Variants in EEIG2 observed in about 807,000 individuals in gnomAD.
EEIG2 encodes the protein family with sequence similarity 102 member B.
the EEIG2 span, among the ~76,000 whole-genome samples, chr1:108,602,499 C>T: frequency 6.6e-6 from 1 of 152,158 alleles, no homozygotes. Context: ...CTTTGCATGT[C>T]TGTTTCTCTG....
the EEIG2 span, among the ~76,000 whole-genome samples, chr1:108,564,172 C>G: frequency 6.0e-3 from 919 of 152,026 alleles, 29 homozygotes; most frequent in East Asian, 0.083. Flanking sequence ...TAAAATTAAA[C>G]CTAAGATTCT....
At chr1:108,584,790 A>G in the EEIG2 span, among the ~76,000 whole-genome samples, 1 of 152,130 alleles carries the variant, frequency 6.6e-6, no homozygotes, top group Admixed American at 6.6e-5. Context: ...ATGGTTAACA[A>G]ATGACTTACA....
the EEIG2 span, among the ~76,000 whole-genome samples, chr1:108,565,227 G>T: frequency 2.0e-5 from 3 of 152,158 alleles, no homozygotes; most frequent in Non-Finnish European, 4.4e-5. Flanking sequence ...TAACAATGAG[G>T]ATCTGTTCTG....
chr1:108,619,362 G>A, the EEIG2 span, among the ~76,000 whole-genome samples: 4 of 152,074 alleles, frequency 2.6e-5, no homozygotes, highest in African/African-American at 9.7e-5. Context: ...TTGTTCAAAT[G>A]TCATTGAAAA....
the EEIG2 span, among the ~76,000 whole-genome samples, chr1:108,612,959 T>C: frequency 3.3e-5 from 5 of 152,214 alleles, no homozygotes; most frequent in South Asian, 1.0e-3. Flanking sequence ...GTTCAAAAGT[T>C]AGTGAAGCAA....
the EEIG2 span, among the ~76,000 whole-genome samples, chr1:108,605,777 A>T: frequency 6.6e-6 from 1 of 152,166 alleles, no homozygotes; most frequent in Non-Finnish European, 1.5e-5. Context: ...ACTATACTAA[A>T]TGTATACTTT....
the EEIG2 span, among the ~76,000 whole-genome samples, chr1:108,602,464 T>G: frequency 6.6e-6 from 1 of 152,222 alleles, no homozygotes; most frequent in South Asian, 2.1e-4. Flanking sequence ...GTTTTCTCCC[T>G]TTGTGTCTTC....
the EEIG2 span, among the ~76,000 whole-genome samples, chr1:108,596,972 T>C: frequency 2.0e-5 from 3 of 152,186 alleles, no homozygotes; most frequent in Non-Finnish European, 4.4e-5. Context: ...CAAGGGACCC[T>C]TCCACCAGCC....
chr1:108,633,740 G>A, the EEIG2 span, among the ~76,000 whole-genome samples: 1 of 152,148 alleles, frequency 6.6e-6, no homozygotes, highest in East Asian at 1.9e-4. Context: ...TCTGCCTGGG[G>A]TTCATCAAGC....
At chr1:108,601,416 C>T in the EEIG2 span, among the ~76,000 whole-genome samples, 1 of 151,634 alleles carries the variant, frequency 6.6e-6, no homozygotes, top group South Asian at 2.1e-4. Context: ...GCCAGTTCTG[C>T]GTCCTTGTCA....
At chr1:108,584,181 A>T in the EEIG2 span, among the ~76,000 whole-genome samples, 1 of 152,170 alleles carries the variant, frequency 6.6e-6, no homozygotes, top group Admixed American at 6.6e-5. Flanking sequence ...GGTAAAAGAG[A>T]CAAGAATAAA....
chr1:108,614,205 T>TTA, the EEIG2 span, among the ~76,000 whole-genome samples: 6 of 101,226 alleles, frequency 5.9e-5, no homozygotes, highest in Non-Finnish European at 1.1e-4. Flanking sequence ...ACCCCATCTC[T>TTA]AAAAAAAAAA....
chr1:108,570,370 G>A, the EEIG2 span, among the ~76,000 whole-genome samples: 1 of 152,164 alleles, frequency 6.6e-6, no homozygotes, highest in South Asian at 2.1e-4. Context: ...CCTAGACTTG[G>A]TTCTGTGCTG....
chr1:108,628,954 T>G, the EEIG2 span: 1 of 636,888 alleles, frequency 1.6e-6, no homozygotes, highest in Non-Finnish European at 2.5e-6. Flanking sequence ...AAGATAACTT[T>G]ATAGCTCATT....
At chr1:108,608,741 G>A in the EEIG2 span, among the ~76,000 whole-genome samples, 1 of 152,176 alleles carries the variant, frequency 6.6e-6, no homozygotes, top group East Asian at 1.9e-4. Flanking sequence ...TTTAATAGGG[G>A]CTGTCTTAGT....
chr1:108,625,222 GT>G, the EEIG2 span: 4 of 152,948 alleles, frequency 2.6e-5, no homozygotes, highest in African/African-American at 9.7e-5. Flanking sequence ...AGAGCCTGAA[GT>G]TTTGTATCAC....
chr1:108,574,580 G>A, the EEIG2 span, among the ~76,000 whole-genome samples: 305 of 152,252 alleles, frequency 2.0e-3, no homozygotes, highest in African/African-American at 6.8e-3. Flanking sequence ...GTGAAACCCC[G>A]TGTTTACTAA....
At chr1:108,605,326 C>A in the EEIG2 span, among the ~76,000 whole-genome samples, 1 of 152,042 alleles carries the variant, frequency 6.6e-6, no homozygotes, top group Non-Finnish European at 1.5e-5. Flanking sequence ...GTGGGATGGC[C>A]ACACCTGAAA....
chr1:108,634,422 A>G, the EEIG2 span, among the ~76,000 whole-genome samples: 3 of 152,206 alleles, frequency 2.0e-5, no homozygotes, highest in African/African-American at 7.2e-5. Flanking sequence ...GACACTAGTC[A>G]TGGTGGTTGC....
Sources: gnomAD v4.1 joint callset for allele counts (sites outside exome capture counted in the v4.1 genomes callset) on GRCh38, gnomAD v4.1.1 for gene constraint, MANE v1.5 for transcripts, NCBI Gene and HGNC (gene_info 2026-07-23, HGNC 2026-07-21) for gene names.